The following ITGA5 variants were observed in gnomAD, a reference collection of about 807,000 sequenced individuals.
ITGA5 encodes the protein integrin alpha-5.
A neutral mutation model predicts 146.3 loss-of-function variants in ITGA5; 55 were observed. The ratio of observed to expected loss-of-function variants is 0.38; its 90% CI spans 0.30 to 0.47. ITGA5 has a LOEUF of 0.47. Ranked by LOEUF, ITGA5 falls within the 20% of genes least tolerant of loss-of-function variation. The probability of loss-of-function intolerance (pLI) is 0.99; values close to 1 mark genes in which losing one functional copy is unlikely to be tolerated. For synonymous variants in ITGA5, 500 were observed against 531.8 expected, an observed-to-expected ratio of 0.94 and a Z score of 0.82; for missense variants, 1,131 against 1,329.0, an observed-to-expected ratio of 0.85 and a Z score of 2.32.
rs976664013 is a variant in ITGA5 at position 54,405,520 on chromosome 12, T to C, written c.1016+144A>G. 2.2e-5 allele frequency: 22 copies of C among 1,022,022 alleles called. No individual in the cohort carries two copies. The African/African-American group carries it at 2.9e-4, about 13-fold the overall frequency. The allele number at this position is 1,022,022 out of a possible 1,614,324, so 63.3% of individuals were successfully genotyped here. ...TCATCAGCTCTCAGCTCTTTCCTTG[T>C]CCCTGAGCAAGGGGAATGCAGGTAT... is the stretch of plus-strand genomic sequence containing the variant. On this transcript the variant is annotated intron_variant, in intron 11 of 29. Coordinates refer to ENST00000293379, the MANE Select transcript of ITGA5 (RefSeq NM_002205.5).
At chr12:54,408,265 G>A in intron 6 of ITGA5, 30 bp from the exon 7 acceptor site, 2 of 1,612,120 alleles carry the variant, frequency 1.2e-6, no homozygotes, top group African/African-American at 1.3e-5. Flanking sequence ...GGAGTAGATG[G>A]AGAGGAAGTG....
chr12:54,416,290 G>A lies in ITGA5; in HGVS notation c.218+2691C>T, dbSNP rs1298550699. ...TCACCATGTTGGCCAGGCTGGTCTC[G>A]AACTCCTGACCTCAGGTGATCCACC... On this transcript the variant is annotated intron_variant, in intron 1 of 29. Coordinates refer to ENST00000293379, the MANE Select transcript of ITGA5 (RefSeq NM_002205.5). The surrounding 1 kb of genome is among the most constrained non-coding windows in gnomAD (Gnocchi z 4.1). Among the ~76,000 whole-genome samples the A allele has an allele frequency of 6.6e-6, 1 of 152,088 alleles. No homozygotes were observed. Among genetic ancestry groups the A allele is most frequent in the South Asian group, 2.1e-4 (1 of 4,832 alleles).
chr12:54,404,567 T>C, intron 13 of ITGA5, 92 bp from the exon 14 acceptor site: 2 of 1,532,908 alleles, frequency 1.3e-6, no homozygotes, highest in East Asian at 4.5e-5. Flanking sequence ...TCAGGGAGGT[T>C]GAAGTGAGAA....
chr12:54,399,954 A>T lies in ITGA5; in HGVS notation c.2644-7T>A. On this transcript the variant is annotated splice_region_variant and splice_polypyrimidine_tract_variant and intron_variant, in intron 25 of 29. Transcript: ENST00000293379. ...GGGAACCCTCGGGATCCAACTATAA[A>T]AGAAAGTGTTGGGCCCCTTTCCCAT... The T allele has an allele frequency of 6.2e-7, 1 of 1,610,564 alleles. No individual in the cohort carries two copies. The highest frequency in any genetic ancestry group is 8.5e-7 in the Non-Finnish European group (1 of 1,176,908).
Position 54,409,718 on chromosome 12 carries a change from G to A in ITGA5, c.350-121C>T, listed in dbSNP as rs111292143. 7.3e-5 allele frequency: 46 copies of A among 628,378 alleles called. No homozygotes were observed. The highest frequency in any genetic ancestry group is 6.1e-4 in the African/African-American group (33 of 54,448). 38.9% of individuals were successfully genotyped at this position (628,378 alleles called of 1,614,324 possible). A position where few individuals can be genotyped will look rare whatever the true frequency, so the allele number is the denominator to read the frequency against. Reference sequence around the variant, plus strand: ...TCCAAGCCCTGAGACTCCATGACTCGCTGGGAGTGTGGAATTGGTAAGGAG... The same window carrying A: ...TCCAAGCCCTGAGACTCCATGACTCACTGGGAGTGTGGAATTGGTAAGGAG... On this transcript the variant is annotated intron_variant, in intron 2 of 29. Coordinates refer to ENST00000293379, the MANE Select transcript of ITGA5 (RefSeq NM_002205.5). This position sits in a 1 kb window ranked among gnomAD's most constrained non-coding sequence, Gnocchi z 4.7.
At chr12:54,407,765 AT>A (rs1329550973) in intron 8 of ITGA5, 66 bp downstream of exon 8, 1 of 1,604,612 alleles carries the variant, frequency 6.2e-7, no homozygotes, top group African/African-American at 1.3e-5. Flanking sequence ...GGCCAAGTTC[AT>A]GGGCTCTCTG....
rs535349862 is a variant in ITGA5 at position 54,400,766 on chromosome 12, C to T, written c.2643+80G>A. On this transcript the variant is annotated intron_variant, in intron 25 of 29. Transcript: ENST00000293379. Reference sequence around the variant, plus strand: ...CACATCCTCATTGCCTCTTGCAGGCCCCCAGCAACCTTCCCCAACCCCTCA... The same window carrying T: ...CACATCCTCATTGCCTCTTGCAGGCTCCCAGCAACCTTCCCCAACCCCTCA... 7 of 1,439,852 alleles carry T rather than the reference C, an allele frequency of 4.9e-6. No individual in the cohort carries two copies. The African/African-American group carries it at 7.1e-5, about 15-fold the overall frequency. The allele number at this position is 1,439,852 out of a possible 1,614,324, so 89.2% of individuals were successfully genotyped here.
intron 19 of ITGA5, 67 bp downstream of exon 19, chr12:54,402,916 C>T (rs953035023): frequency 1.5e-6 from 2 of 1,303,478 alleles, no homozygotes; most frequent in South Asian, 1.2e-5. Context: ...GCTAGTATGT[C>T]CCTAGCTGAT....
Position 54,400,829 on chromosome 12 carries a change from A to G in ITGA5, c.2643+17T>C, listed in dbSNP as rs1157823255. 1.2e-6 allele frequency: 2 copies of G among 1,611,226 alleles called. No individual in the cohort carries two copies. The highest frequency in any genetic ancestry group is 3.3e-5 in the Admixed American group (2 of 59,728). On this transcript the variant is annotated intron_variant, in intron 25 of 29. Coordinates refer to ENST00000293379, the MANE Select transcript of ITGA5 (RefSeq NM_002205.5). The stretch of plus-strand genomic sequence containing the variant: ...TGAATCTGCTCCTCTTCCCCATGCC[A>G]GTGTTCAGGATCTCACCTCCAGGCC...
intron 11 of ITGA5, 94 bp from the exon 12 acceptor site, chr12:54,405,468 T>C: frequency 3.5e-6 from 4 of 1,147,458 alleles, no homozygotes; most frequent in Non-Finnish European, 5.0e-6. Context: ...CTGAATTCCA[T>C]CACGTCAGAA....
Position 54,401,750 on chromosome 12 carries a change from C to T in ITGA5, c.2306+26G>A, listed in dbSNP as rs1487352919. 8.1e-6 allele frequency: 13 copies of T among 1,613,036 alleles called. No individual in the cohort carries two copies. In the Admixed American group the frequency reaches 2.2e-4, roughly 27 times the overall value. On this transcript the variant is annotated intron_variant, in intron 22 of 29. Transcript: ENST00000293379. The surrounding 1 kb of genome is among the most constrained non-coding windows in gnomAD (Gnocchi z 5.0). Reference sequence around the variant, plus strand: ...CCTCCCTTCCGTCCCCAGCTCAGCCCCAGCCTAGACACACTCACTCCCTAC... The same window carrying T: ...CCTCCCTTCCGTCCCCAGCTCAGCCTCAGCCTAGACACACTCACTCCCTAC...
chr12:54,416,964 C>T lies in ITGA5; in HGVS notation c.218+2017G>A, dbSNP rs1291532037. Among the ~76,000 whole-genome samples the T allele has an allele frequency of 6.6e-6, 1 of 152,080 alleles. No individual in the cohort carries two copies. The highest frequency in any genetic ancestry group is 6.6e-5 in the Admixed American group (1 of 15,264). On this transcript the variant is annotated intron_variant, in intron 1 of 29. Transcript: ENST00000293379. The surrounding 1 kb of genome is among the most constrained non-coding windows in gnomAD (Gnocchi z 4.1). ...GCTGTAGGTGAGGGGCTGTGTTTGT[C>T]TTGTGTTGTGGGAAAGGGGGTGAAG...
Position 54,403,889 on chromosome 12 carries a change from A to G in ITGA5, c.1621+22T>C. 6.2e-7 allele frequency: 1 copy of G among 1,613,050 alleles called. No individual in the cohort carries two copies. Among genetic ancestry groups the G allele is most frequent in the Non-Finnish European group, 8.5e-7 (1 of 1,178,998 alleles). On this transcript the variant is annotated intron_variant, in intron 16 of 29. Transcript: ENST00000293379. This position sits in a 1 kb window ranked among gnomAD's most constrained non-coding sequence, Gnocchi z 4.9. ...TTCATTCTCTGTCCTAGGGCCTGAG[A>G]GATCCAGGCAGTCTCCCTCACCAAT...
In ITGA5 at chr12:54,398,956, C is replaced by T. The variant is rs184731086; in HGVS notation, c.2842-258G>A. The T allele has an allele frequency of 3.1e-4, 110 of 357,014 alleles. 2 individuals are homozygous for T. The highest frequency in any genetic ancestry group is 2.2e-3 in the African/African-American group (102 of 46,218). 22.1% of individuals were successfully genotyped at this position (357,014 alleles called of 1,614,324 possible). ...CTGGGCTCAAGCAATCCTCCTGCCT[C>T]AGCCTCCCAAGTAGCTGAGACTACA... On this transcript the variant is annotated intron_variant, in intron 27 of 29. Transcript: ENST00000293379.
Position 54,401,105 on chromosome 12 carries a change from A to C in ITGA5, c.2494-110T>G. ...TACCCTGCTGTCAGGCTCCTATCTC[A>C]GAGATGAAGCAGGGAAGCAATGGGC... On this transcript the variant is annotated intron_variant, in intron 24 of 29. Coordinates refer to ENST00000293379, the MANE Select transcript of ITGA5 (RefSeq NM_002205.5). The surrounding 1 kb of genome is among the most constrained non-coding windows in gnomAD (Gnocchi z 5.0). 6.0e-6 allele frequency: 7 copies of C among 1,162,586 alleles called. No homozygotes were observed. The highest frequency in any genetic ancestry group is 8.5e-6 in the Non-Finnish European group (7 of 823,378). 72.0% of individuals were successfully genotyped at this position (1,162,586 alleles called of 1,614,324 possible).
At chr12:54,411,345 C>A (rs146571799) in intron 2 of ITGA5, among the ~76,000 whole-genome samples, 2 of 152,342 alleles carry the variant, frequency 1.3e-5, no homozygotes, top group Non-Finnish European at 2.9e-5. Flanking sequence ...GTGTTCACAA[C>A]TGGGCCTGGC....
Position 54,405,273 on chromosome 12 carries a change from G to T in ITGA5, c.1118C>A (p.Ala373Asp). 1 of 1,613,878 alleles carries T rather than the reference G, an allele frequency of 6.2e-7. No homozygotes were observed. The highest frequency in any genetic ancestry group is 1.7e-5 in the Admixed American group (1 of 60,018). The stretch of plus-strand genomic sequence containing the variant: ...AAGGGTGGGCGTGGGCTCTATGCCG[G>T]CTGGGTGCTGCAGGTAGACGTAGAC... ...GRVYVYLQHP[A>D]GIEPTPTLTL... Residue 373 changes from alanine to aspartate, a missense_variant, in exon 12 of 30, where the codon GCC (alanine) becomes GAC (aspartate). This residue lies in a region of ITGA5 where 889 missense variants were observed against 1,021.5 expected (regional missense o/e 0.87). Coordinates refer to ENST00000293379, the MANE Select transcript of ITGA5 (RefSeq NM_002205.5).
At chr12:54,418,372 G>C (rs1956034011) in intron 1 of ITGA5, among the ~76,000 whole-genome samples, 1 of 151,968 alleles carries the variant, frequency 6.6e-6, no homozygotes, top group African/African-American at 2.4e-5. Context: ...GTAGGAGACA[G>C]AGGAGAAAGG....
At chr12:54,406,216 G>A in intron 9 of ITGA5, 1 of 489,090 alleles carries the variant, frequency 2.0e-6, no homozygotes, top group Non-Finnish European at 3.7e-6. Context: ...AATAGGGGCA[G>A]GAACTTGATT....
Sources: allele counts gnomAD v4.1 joint callset (sites outside exome capture counted in the v4.1 genomes callset), GRCh38; gene constraint gnomAD v4.1.1; regional missense constraint gnomAD v4.1.1; non-coding constraint Gnocchi (gnomAD v3.1); transcripts MANE v1.5; gene names NCBI Gene and HGNC (gene_info 2026-07-23, HGNC 2026-07-21).